The following PDE1A variants were observed in gnomAD, a reference collection of about 807,000 sequenced individuals.
The protein encoded by PDE1A is phosphodiesterase 1A, also known as dual specificity calcium/calmodulin-dependent 3',5'-cyclic nucleotide phosphodiesterase 1A.
Under a neutral mutation model 61.7 loss-of-function variants are expected in PDE1A, and 35 were observed. The observed-to-expected ratio is 0.57, with a 90% CI of 0.43 to 0.75. The LOEUF (loss-of-function observed/expected upper bound fraction) is 0.75, where lower values mean the gene tolerates loss of function less well. Among genes scored for constraint, PDE1A ranks in the 30% least tolerant of loss-of-function variants. The pLI is 0.00. For missense variants in PDE1A, 597 were observed against 630.6 expected (o/e 0.95, Z 0.57); for synonymous variants, 232 against 213.2 (o/e 1.09, Z -0.77).
chr2:182,380,981 G>A (rs533299476), intron 1 of PDE1A, among the ~76,000 whole-genome samples: 12 of 152,264 alleles, frequency 7.9e-5, no homozygotes, highest in South Asian at 4.1e-4. Context: ...TGTTGACTTC[G>A]TAGTCAAGAT....
At chr2:182,396,979 T>G (rs1478763674) in intron 1 of PDE1A, among the ~76,000 whole-genome samples, 1 of 152,214 alleles carries the variant, frequency 6.6e-6, no homozygotes, top group East Asian at 1.9e-4. Flanking sequence ...CAAATTTATC[T>G]ACCTGTGGGT....
chr2:182,174,555 G>A (rs1692549869), intron 13 of PDE1A, among the ~76,000 whole-genome samples: 1 of 151,896 alleles, frequency 6.6e-6, no homozygotes, highest in South Asian at 2.1e-4. Context: ...ATTACACACT[G>A]AACAAAAAGA....
chr2:182,694,736 G>C, the PDE1A span, among the ~76,000 whole-genome samples: 4 of 150,418 alleles, frequency 2.7e-5, no homozygotes, highest in Middle Eastern at 0.01. Context: ...ACTGATGGAA[G>C]CAGACTCCTG....
At chr2:182,390,427 A>G (rs1005606372) in intron 1 of PDE1A, among the ~76,000 whole-genome samples, 2 of 152,204 alleles carry the variant, frequency 1.3e-5, no homozygotes, top group Admixed American at 6.5e-5. Context: ...TAGTGACTCT[A>G]TACATAATAC....
the PDE1A span, among the ~76,000 whole-genome samples, chr2:182,539,385 T>C: frequency 6.6e-6 from 1 of 152,164 alleles, no homozygotes; most frequent in African/African-American, 2.4e-5. Flanking sequence ...ATTATTAGTT[T>C]TATTTTGAGT....
chr2:182,553,902 G>A, the PDE1A span, among the ~76,000 whole-genome samples: 2 of 152,216 alleles, frequency 1.3e-5, no homozygotes, highest in East Asian at 3.8e-4. Flanking sequence ...AATGGTGGGT[G>A]CATGCCGAAA....
chr2:182,221,391 C>A (rs1688714635), intron 7 of PDE1A, among the ~76,000 whole-genome samples: 1 of 152,110 alleles, frequency 6.6e-6, no homozygotes, highest in African/African-American at 2.4e-5. Flanking sequence ...AAATCCTCCA[C>A]ATCGTGGATC....
the PDE1A span, among the ~76,000 whole-genome samples, chr2:182,692,458 G>A: frequency 1.3e-5 from 2 of 151,446 alleles, no homozygotes; most frequent in Non-Finnish European, 2.9e-5. Context: ...TCATAGGTGG[G>A]AACTGAAAAA....
chr2:182,399,611 T>C (rs1242760995), intron 1 of PDE1A, among the ~76,000 whole-genome samples: 1 of 152,120 alleles, frequency 6.6e-6, no homozygotes, highest in Non-Finnish European at 1.5e-5. Context: ...AATGTTCAAC[T>C]TATACAAGTA....
chr2:182,403,489 C>T (rs1376925547), intron 1 of PDE1A, among the ~76,000 whole-genome samples: 1 of 151,526 alleles, frequency 6.6e-6, no homozygotes, highest in Non-Finnish European at 1.5e-5. Flanking sequence ...GTCCCAGCTA[C>T]TCGGGAGGCT....
chr2:182,244,186 G>A (rs1690776745), intron 2 of PDE1A, among the ~76,000 whole-genome samples: 2 of 152,032 alleles, frequency 1.3e-5, no homozygotes, highest in Non-Finnish European at 2.9e-5. Flanking sequence ...TATTATTAAT[G>A]TTTTCTCAGA....
chr2:182,657,310 A>G, the PDE1A span, among the ~76,000 whole-genome samples: 1 of 152,218 alleles, frequency 6.6e-6, no homozygotes, highest in Non-Finnish European at 1.5e-5. Context: ...TGAGCCAAGT[A>G]ATGTGTCAGA....
At chr2:182,231,123 A>G (rs1249074563) in exon 5 of PDE1A, 2 of 1,541,434 alleles carry the variant, frequency 1.3e-6, no homozygotes, top group South Asian at 2.3e-5. Context: ...AAGACCATTT[A>G]TCAACATCCT....
intron 1 of PDE1A, among the ~76,000 whole-genome samples, chr2:182,364,933 T>C (rs1236414847): frequency 6.6e-6 from 1 of 152,024 alleles, no homozygotes; most frequent in African/African-American, 2.4e-5. Context: ...TTCAAATTAA[T>C]ACATCTGCTG....
chr2:182,367,998 C>T (rs1699928335), intron 1 of PDE1A, among the ~76,000 whole-genome samples: 1 of 152,032 alleles, frequency 6.6e-6, no homozygotes, highest in African/African-American at 2.4e-5. Flanking sequence ...AAAACACACA[C>T]AAAAGGAGAG....
the PDE1A span, among the ~76,000 whole-genome samples, chr2:182,585,882 C>A: frequency 6.6e-6 from 1 of 152,002 alleles, no homozygotes; most frequent in African/African-American, 2.4e-5. Context: ...CCATTTGTTA[C>A]AATAACATGA....
At chr2:182,682,265 G>C in the PDE1A span, among the ~76,000 whole-genome samples, 6 of 152,328 alleles carry the variant, frequency 3.9e-5, no homozygotes, top group African/African-American at 1.4e-4. Context: ...ATCGGGAGCT[G>C]TGTCTGAGGA....
the PDE1A span, among the ~76,000 whole-genome samples, chr2:182,548,493 A>G: frequency 1.3e-5 from 2 of 152,180 alleles, no homozygotes; most frequent in African/African-American, 4.8e-5. Context: ...CTCTCAATAA[A>G]CTGTGCCGAG....
At chr2:182,267,371 G>C (rs930878829) in intron 1 of PDE1A, among the ~76,000 whole-genome samples, 9 of 151,844 alleles carry the variant, frequency 5.9e-5, no homozygotes. Flanking sequence ...CACCCAATTA[G>C]AAAATGTAAT....
Sources: gnomAD v4.1 joint callset for allele counts (sites outside exome capture counted in the v4.1 genomes callset) on GRCh38, gnomAD v4.1.1 for gene constraint, MANE v1.5 for transcripts, NCBI Gene and HGNC (gene_info 2026-07-23, HGNC 2026-07-21) for gene names.